The following TLE4 variants were observed in gnomAD, a reference collection of about 807,000 sequenced individuals.
The protein encoded by TLE4 is TLE family member 4, transcriptional corepressor.
TLE4 carries 8 observed loss-of-function variants against 92.8 expected under a neutral mutation model. The ratio of observed to expected loss-of-function variants is 0.09; its 90% CI spans 0.05 to 0.16. TLE4 has a LOEUF of 0.16. TLE4 is among the 10% of genes least tolerant of loss of function. The pLI, the probability that TLE4 is intolerant of heterozygous loss-of-function variation, is 1.00. For missense variants in TLE4, 675 were observed against 997.6 expected (o/e 0.68, Z 4.36); for synonymous variants, 371 against 374.1 (o/e 0.99, Z 0.10).
At chr9:79,618,236 A>C (rs1457257244) in intron 5 of TLE4, among the ~76,000 whole-genome samples, 1 of 152,212 alleles carries the variant, frequency 6.6e-6, no homozygotes, top group African/African-American at 2.4e-5. Context: ...GGCTATTGTT[A>C]CTGCTAATGG....
At chr9:79,683,209 A>G (rs573047345) in intron 8 of TLE4, among the ~76,000 whole-genome samples, 2 of 152,304 alleles carry the variant, frequency 1.3e-5, no homozygotes, top group Non-Finnish European at 2.9e-5. Flanking sequence ...TCCTATTTTT[A>G]AGATTGATTC....
At chr9:79,642,247 AAAG>A (rs992506614) in intron 6 of TLE4, among the ~76,000 whole-genome samples, 8 of 152,032 alleles carry the variant, frequency 5.3e-5, no homozygotes, top group Non-Finnish European at 1.2e-4. Context: ...AAAAGAAAAA[AAAG>A]AAGAAGAAAT....
At chr9:79,599,219 A>G (rs1587903619) in intron 4 of TLE4, among the ~76,000 whole-genome samples, 1 of 152,140 alleles carries the variant, frequency 6.6e-6, no homozygotes, top group Non-Finnish European at 1.5e-5. Flanking sequence ...CAAACCCCTT[A>G]GTGTGGCATT....
intron 9 of TLE4, 96 bp from the exon 10 acceptor site, chr9:79,705,793 C>G: frequency 2.4e-6 from 3 of 1,229,034 alleles, no homozygotes; most frequent in Non-Finnish European, 3.6e-6. Flanking sequence ...TACAGCTCAT[C>G]TTTATAAGAT....
intron 10 of TLE4, 124 bp downstream of exon 10, chr9:79,706,066 G>T: frequency 1.0e-6 from 1 of 961,134 alleles, no homozygotes; most frequent in South Asian, 1.3e-5. Context: ...GTTTTTTGAG[G>T]CAGGGTCTTG....
chr9:79,707,144 A>T (rs756835221), intron 11 of TLE4: 14 of 1,612,912 alleles, frequency 8.7e-6, no homozygotes, highest in African/African-American at 1.3e-5. Context: ...GGGGAAATTG[A>T]GTGAAACACG....
chr9:79,652,841 C>CT (rs1286979684), intron 7 of TLE4, 47 bp downstream of exon 7: 6 of 1,580,364 alleles, frequency 3.8e-6, no homozygotes, highest in Non-Finnish European at 5.2e-6. Flanking sequence ...CTACTTGCTG[C>CT]TGAGGGTAGG....
chr9:79,713,667 A>T (rs920713158), intron 14 of TLE4, among the ~76,000 whole-genome samples: 1 of 152,136 alleles, frequency 6.6e-6, no homozygotes, highest in Non-Finnish European at 1.5e-5. Flanking sequence ...TTTGTTAACT[A>T]CAAGTACCAT....
At chr9:79,630,874 T>C (rs1398869082) in intron 6 of TLE4, among the ~76,000 whole-genome samples, 3 of 152,100 alleles carry the variant, frequency 2.0e-5, no homozygotes. Flanking sequence ...GAAAAAAAGT[T>C]TAGTCAGTGT....
chr9:79,638,109 A>T (rs967314790), intron 6 of TLE4, among the ~76,000 whole-genome samples: 4 of 152,114 alleles, frequency 2.6e-5, no homozygotes, highest in African/African-American at 9.7e-5. Context: ...GGGTTTCTTG[A>T]TTAAGAACTA....
rs1491151634 is a variant in TLE4, at chr9:79,628,871, TAA to T, written c.390+1424_390+1425del. On this transcript the variant is annotated intron_variant, in intron 6 of 19. Transcript: ENST00000376552. Reference sequence around the variant, plus strand: ...GTTGAGAAAGGTTTAATTTTAAAGTTAAGTGTGTGTGTGTGTGTGTGTGTGTG... The same window carrying T: ...GTTGAGAAAGGTTTAATTTTAAAGTTGTGTGTGTGTGTGTGTGTGTGTGTG... Among the ~76,000 whole-genome samples the T allele has an allele frequency of 2.1e-3, 233 of 112,672 alleles. 1 individual carries two copies. The highest frequency in any genetic ancestry group is 7.4e-3 in the African/African-American group (224 of 30,464). The allele number at this position is 112,672 out of a possible 152,430, so 73.9% of individuals were successfully genotyped here. A position where few individuals can be genotyped will look rare whatever the true frequency, so the allele number is the denominator to read the frequency against.
chr9:79,608,161 T>C (rs1478609254), intron 4 of TLE4, among the ~76,000 whole-genome samples: 1 of 152,110 alleles, frequency 6.6e-6, no homozygotes, highest in Non-Finnish European at 1.5e-5. Flanking sequence ...ATTAACACTT[T>C]TGTAAAATTG....
chr9:79,637,036 T>G (rs2056041275), intron 6 of TLE4, among the ~76,000 whole-genome samples: 1 of 107,650 alleles, frequency 9.3e-6, no homozygotes, highest in Non-Finnish European at 1.8e-5. Flanking sequence ...ACTTATAGTA[T>G]GATATTAGGA....
At chr9:79,680,470 T>G (rs2064282048) in intron 8 of TLE4, among the ~76,000 whole-genome samples, 1 of 152,172 alleles carries the variant, frequency 6.6e-6, no homozygotes, top group Admixed American at 6.5e-5. Flanking sequence ...TTTTGCACAT[T>G]GATTTTGTAT....
intron 4 of TLE4, among the ~76,000 whole-genome samples, chr9:79,604,071 C>T (rs753930873): frequency 3.3e-5 from 5 of 152,094 alleles, no homozygotes; most frequent in South Asian, 4.1e-4. Context: ...CAGATGATTA[C>T]AGATGCTGTC....
chr9:79,676,965 C>A (rs2063374069), intron 8 of TLE4, among the ~76,000 whole-genome samples: 2 of 152,008 alleles, frequency 1.3e-5, no homozygotes, highest in South Asian at 4.2e-4. Context: ...AGATGCATTT[C>A]CCATGCATCC....
intron 4 of TLE4, among the ~76,000 whole-genome samples, chr9:79,597,516 G>A (rs946715278): frequency 1.3e-5 from 2 of 151,772 alleles, no homozygotes; most frequent in Non-Finnish European, 2.9e-5. Flanking sequence ...ACCATTGTAT[G>A]TCCTCATTTG....
chr9:79,685,904 T>C (rs1254032397), intron 8 of TLE4, among the ~76,000 whole-genome samples: 1 of 152,172 alleles, frequency 6.6e-6, no homozygotes, highest in Non-Finnish European at 1.5e-5. Flanking sequence ...GACTCCCAAG[T>C]ACAGATGGCC....
intron 8 of TLE4, among the ~76,000 whole-genome samples, chr9:79,656,212 G>A (rs1314519899): frequency 6.6e-5 from 10 of 152,158 alleles, no homozygotes; most frequent in Non-Finnish European, 1.3e-4. Flanking sequence ...AGTTGTAGTT[G>A]CTTGTTCCAT....
Sources: gnomAD v4.1 joint callset for allele counts (sites outside exome capture counted in the v4.1 genomes callset) on GRCh38, gnomAD v4.1.1 for gene constraint, MANE v1.5 for transcripts, NCBI Gene and HGNC (gene_info 2026-07-23, HGNC 2026-07-21) for gene names.